IRAK2: variants seen among roughly 807,000 people sequenced by gnomAD.
IRAK2 encodes the protein interleukin 1 receptor associated kinase 2.
In IRAK2, 57 loss-of-function variants were observed where a neutral mutation model predicts 72.0. The observed-to-expected ratio is 0.79, with a 90% CI of 0.64 to 0.99. The LOEUF (loss-of-function observed/expected upper bound fraction) is 0.99. Among genes scored for constraint, IRAK2 ranks in the 50% least tolerant of loss-of-function variants. IRAK2 has a pLI of 0.00. For missense variants in IRAK2, 790 were observed against 794.4 expected (o/e 0.99, Z 0.07); for synonymous variants, 293 against 312.7 (o/e 0.94, Z 0.67).
At chr3:10,184,174 C>T (rs1299912215) in intron 2 of IRAK2, among the ~76,000 whole-genome samples, 1 of 152,204 alleles carries the variant, frequency 6.6e-6, no homozygotes, top group Non-Finnish European at 1.5e-5. Flanking sequence ...GGAAGTTGCT[C>T]ACCTACTTTC....
chr3:10,188,914 G>A (rs1697128031), intron 2 of IRAK2, among the ~76,000 whole-genome samples: 1 of 152,232 alleles, frequency 6.6e-6, no homozygotes, highest in Non-Finnish European at 1.5e-5. Flanking sequence ...ACCCGCCTTG[G>A]CCTCCCAAAA....
chr3:10,215,638 G>A (rs1447944395), intron 6 of IRAK2, among the ~76,000 whole-genome samples: 1 of 151,800 alleles, frequency 6.6e-6, no homozygotes, highest in African/African-American at 2.4e-5. Context: ...CTCCTGCTTT[G>A]GCCTCCAAAA....
Position 10,218,419 on chromosome 3 carries a change from G to A in IRAK2, c.904-1261G>A, listed in dbSNP as rs745539576. On this transcript the variant is annotated intron_variant, in intron 7 of 12. Transcript: ENST00000256458. ...AGCCTGGGCGACAAAGTGAGACTCC[G>A]TCTCAAAAAAAAAAAAAAAAAAAAA... Among the ~76,000 whole-genome samples, 166 of 109,154 alleles carry A rather than the reference G, an allele frequency of 1.5e-3. 1 individual carries two copies. The highest frequency in any genetic ancestry group is 2.4e-3 in the Non-Finnish European group (133 of 55,326). 71.6% of individuals were successfully genotyped at this position (109,154 alleles called of 152,430 possible). A position where few individuals can be genotyped will look rare whatever the true frequency, so the allele number is the denominator to read the frequency against.
chr3:10,200,668 G>T (rs1279473851), intron 3 of IRAK2, among the ~76,000 whole-genome samples, 153 bp downstream of exon 3: 1 of 152,230 alleles, frequency 6.6e-6, no homozygotes, highest in African/African-American at 2.4e-5. Flanking sequence ...AGGCTGAGGC[G>T]GGAGGATGGC....
rs145978380 is a variant in IRAK2, at chr3:10,215,751, T to TACACACACACAC, written c.789-1171_789-1160dup. On this transcript the variant is annotated intron_variant, in intron 6 of 12. Transcript: ENST00000256458. ...ACATGTATATGAATACTCACATGTGTACACACACACACACACACACACAGA... is the reference window on the plus strand; with the variant it reads ...ACATGTATATGAATACTCACATGTGTACACACACACACACACACACACACACACACACACAGA... Among the ~76,000 whole-genome samples the TACACACACACAC allele has an allele frequency of 3.1e-3, 465 of 150,108 alleles. 1 individual carries two copies. Among genetic ancestry groups the TACACACACACAC allele is most frequent in the African/African-American group, 9.0e-3 (366 of 40,838 alleles).
chr3:10,176,752 C>T (rs112324664), intron 1 of IRAK2, among the ~76,000 whole-genome samples: 32,714 of 151,660 alleles, frequency 0.22, 3,775 homozygotes, highest in Admixed American at 0.33. Flanking sequence ...GCTGGGATTA[C>T]AGGCGTAAGC....
Position 10,241,634 on chromosome 3 carries a change from C to T in IRAK2, c.1766-482C>T, listed in dbSNP as rs915773988. Among the ~76,000 whole-genome samples, 18 of 151,440 alleles carry T rather than the reference C, an allele frequency of 1.2e-4. 1 individual carries two copies. The East Asian group carries it at 1.6e-3, about 13-fold the overall frequency. ...CTCACAGGCCGGGCGTGGTGGCTCA[C>T]GCCTGTCTGTAATCCTAGGACTTCG... On this transcript the variant is annotated intron_variant, in intron 12 of 12. Coordinates refer to ENST00000256458, the MANE Select transcript of IRAK2 (RefSeq NM_001570.4).
chr3:10,242,443 T>C lies in IRAK2; in HGVS notation c.*215T>C, dbSNP rs563819680. ...CAAAAATCCATGAAGTCTCTTCCTT[T>C]CTGGGCTTTGTTAGTCAGAGCAGGG... On this transcript the variant is annotated 3_prime_UTR_variant, in exon 13 of 13. Coordinates refer to ENST00000256458, the MANE Select transcript of IRAK2 (RefSeq NM_001570.4). 34 of 366,842 alleles carry C rather than the reference T, an allele frequency of 9.3e-5. No individual in the cohort carries two copies. In the South Asian group the frequency reaches 1.5e-3, roughly 16 times the overall value. The allele number at this position is 366,842 out of a possible 1,614,324, so 22.7% of individuals were successfully genotyped here. A position where few individuals can be genotyped will look rare whatever the true frequency, so the allele number is the denominator to read the frequency against.
At chr3:10,214,343 A>C (rs1329453817) in intron 6 of IRAK2, among the ~76,000 whole-genome samples, 1 of 149,052 alleles carries the variant, frequency 6.7e-6, no homozygotes, top group Non-Finnish European at 1.5e-5. Flanking sequence ...CTCCCACCTC[A>C]GCCTCTGAGA....
intron 11 of IRAK2, among the ~76,000 whole-genome samples, chr3:10,237,273 G>C (rs1386926921): frequency 2.6e-5 from 4 of 152,142 alleles, no homozygotes; most frequent in African/African-American, 9.7e-5. Context: ...GTAAAATAAA[G>C]GGGATAGGGC....
chr3:10,240,577 G>T (rs1489363811), intron 12 of IRAK2, among the ~76,000 whole-genome samples: 5 of 36,564 alleles, frequency 1.4e-4, no homozygotes, highest in Non-Finnish European at 1.8e-4. Context: ...TTTTTGTTTT[G>T]AGACAGTGTT....
chr3:10,209,676 C>A lies in IRAK2; in HGVS notation c.512C>A (p.Thr171Asn). The A allele has an allele frequency of 6.5e-7, 1 of 1,534,394 alleles. No individual in the cohort carries two copies. The highest frequency in any genetic ancestry group is 8.8e-7 in the Non-Finnish European group (1 of 1,142,086). ...APHSLRSDLP[T>N]SSDSKDFSTS... ...CATTCCTTGAGAAGCGACCTCCCCACTTCGTCTGATTCAAAGGTAAATCCA... is the reference window on the plus strand; with the variant it reads ...CATTCCTTGAGAAGCGACCTCCCCAATTCGTCTGATTCAAAGGTAAATCCA... The change falls in exon 4 of 13, where the codon ACT (threonine) becomes AAT (asparagine). Residue 171 changes from threonine to asparagine, a missense_variant. Physicochemically the swap from Thr to Asn is moderately conservative, Grantham distance 65. Coordinates refer to ENST00000256458, the MANE Select transcript of IRAK2 (RefSeq NM_001570.4).
At chr3:10,226,542 G>C in intron 10 of IRAK2, 109 bp downstream of exon 10, 1 of 822,382 alleles carries the variant, frequency 1.2e-6, no homozygotes, top group East Asian at 2.8e-5. Flanking sequence ...AATGAGGCCC[G>C]GTACAAGGTT....
chr3:10,169,744 A>C (rs1696765915), intron 1 of IRAK2, among the ~76,000 whole-genome samples: 2 of 152,224 alleles, frequency 1.3e-5, no homozygotes, highest in Non-Finnish European at 2.9e-5. Flanking sequence ...TTATACAGTT[A>C]ATGCAATCAT....
intron 2 of IRAK2, among the ~76,000 whole-genome samples, chr3:10,184,357 T>G (rs981228272): frequency 1.3e-5 from 2 of 152,218 alleles, no homozygotes; most frequent in African/African-American, 4.8e-5. Context: ...ACGGTCCATT[T>G]TGGCCACCCA....
intron 2 of IRAK2, among the ~76,000 whole-genome samples, chr3:10,192,088 C>T (rs909238172): frequency 6.7e-6 from 1 of 148,898 alleles, no homozygotes; most frequent in Admixed American, 6.7e-5. Context: ...CTGTGTATGG[C>T]CTGGAGGGCC....
intron 8 of IRAK2, 42 bp from the exon 9 acceptor site, chr3:10,222,594 C>T: frequency 6.5e-7 from 1 of 1,544,646 alleles, no homozygotes; most frequent in Non-Finnish European, 8.9e-7. Flanking sequence ...TGTTGTTATC[C>T]AGCTCAAAAT....
chr3:10,232,547 C>T (rs1281334638), intron 10 of IRAK2, among the ~76,000 whole-genome samples: 1 of 152,132 alleles, frequency 6.6e-6, no homozygotes, highest in Non-Finnish European at 1.5e-5. Flanking sequence ...CCCTCGACAT[C>T]CTTTCATCGC....
At chr3:10,208,278 C>T (rs1388440514) in intron 3 of IRAK2, among the ~76,000 whole-genome samples, 1 of 151,914 alleles carries the variant, frequency 6.6e-6, no homozygotes, top group East Asian at 1.9e-4. Flanking sequence ...TCCTGATTGG[C>T]ATGAGGATTA....
Sources: gnomAD v4.1 joint callset for allele counts (sites outside exome capture counted in the v4.1 genomes callset) on GRCh38, gnomAD v4.1.1 for gene constraint, MANE v1.5 for transcripts, NCBI Gene and HGNC (gene_info 2026-07-23, HGNC 2026-07-21) for gene names.